ZNF587: variants seen among roughly 807,000 people sequenced by gnomAD.
The protein encoded by ZNF587 is zinc finger protein zfp6.
In ZNF587, 8 loss-of-function variants were observed where a neutral mutation model predicts 7.5. The ratio of observed to expected loss-of-function variants is 1.06; its 90% CI spans 0.62 to 1.92. ZNF587 has a LOEUF of 1.92. Ranked by LOEUF, ZNF587 falls within the 40% of genes most tolerant of loss-of-function variation. The probability of loss-of-function intolerance (pLI) is 0.00; values close to 1 mark genes in which losing one functional copy is unlikely to be tolerated. For missense variants in ZNF587, 468 were observed against 692.8 expected, an observed-to-expected ratio of 0.68 and a Z score of 3.64; for synonymous variants, 145 against 237.8, an observed-to-expected ratio of 0.61 and a Z score of 3.59.
chr19:57,853,792 G>A (rs2071315017), intron 1 of ZNF587: 1 of 138,724 alleles, frequency 7.2e-6, no homozygotes, highest in African/African-American at 2.8e-5. Context: ...TTTCGCTCTT[G>A]TTGCCCAAGC....
At position 57,859,357 on chromosome 19, in the gene ZNF587, G is replaced by A; in HGVS notation, c.945G>A (p.Gln315=). Residue 315 remains glutamine, a synonymous_variant, in exon 3 of 3, where the codon CAG becomes CAA. Transcript: ENST00000339656. ...AGAAGGGCAGCCTTATTAGCCATCA[G>A]CTTGTTCACACTGGAGAAGGGCCTT... ...FSQKGSLISH[Q]LVHTGEGPYE... 8.1e-6 allele frequency: 13 copies of A among 1,610,454 alleles called. No homozygotes were observed. The highest frequency in any genetic ancestry group is 1.1e-5 in the Non-Finnish European group (13 of 1,179,574).
At position 57,860,654 on chromosome 19, in the gene ZNF587, A is replaced by C. The variant is rs1196731553; in HGVS notation, c.*514A>C. On this transcript the variant is annotated 3_prime_UTR_variant, in exon 3 of 3. Transcript: ENST00000339656. Reference sequence around the variant, plus strand: ...GTAAACCTGATGCTTTGGGAGGACAAGGTGGTTCATTGGAGGCCAGGAGTT... The same window carrying C: ...GTAAACCTGATGCTTTGGGAGGACACGGTGGTTCATTGGAGGCCAGGAGTT... The C allele has an allele frequency of 6.1e-6, 1 of 162,632 alleles. No homozygotes were observed. Among genetic ancestry groups the C allele is most frequent in the Non-Finnish European group, 1.4e-5 (1 of 73,908 alleles). 10.1% of individuals were successfully genotyped at this position (162,632 alleles called of 1,614,324 possible).
At position 57,859,823 on chromosome 19, in the gene ZNF587, A is replaced by G. The variant is rs1409508650; in HGVS notation, c.1411A>G (p.Lys471Glu). The G allele has an allele frequency of 1.9e-6, 3 of 1,614,102 alleles. No individual in the cohort carries two copies. Among genetic ancestry groups the G allele is most frequent in the Admixed American group, 3.3e-5 (2 of 60,002 alleles). The change falls in exon 3 of 3, where the codon AAA becomes GAA. Residue 471 changes from lysine to glutamate, a missense_variant. Around this residue, in one of 5 missense-constraint regions of ZNF587, gnomAD observed 310 missense variants for 325.6 expected, o/e 0.95. Transcript: ENST00000339656. ...ERPYACEVCGKLFGNKHSVTI... is the reference protein window; with the variant it reads ...ERPYACEVCGELFGNKHSVTI... The stretch of plus-strand genomic sequence containing the variant: ...GCCATATGCGTGTGAGGTATGTGGG[A>G]AATTATTTGGCAATAAGCACAGCGT...
At position 57,861,789 on chromosome 19, in the gene ZNF587, T is replaced by TTTTTTTTTTTTTTC. The variant is rs1555775628; in HGVS notation, c.*1649_*1650insTTTTTTTTTTTTTC. Reference sequence around the variant, plus strand: ...TTTGGTTTTCTTTTTTTTTTTTTTTTCCAGATGGAGTCTAGCTCTGTCTCC... The same window carrying TTTTTTTTTTTTTTC: ...TTTGGTTTTCTTTTTTTTTTTTTTTTTTTTTTTTTTTTTCCCAGATGGAGTCTAGCTCTGTCTCC... On this transcript the variant is annotated 3_prime_UTR_variant, in exon 3 of 3. Transcript: ENST00000339656. 580 of 147,890 alleles carry TTTTTTTTTTTTTTC rather than the reference T, an allele frequency of 3.9e-3. 24 individuals carry two copies. The highest frequency in any genetic ancestry group is 0.014 in the African/African-American group (542 of 38,192). 9.2% of individuals were successfully genotyped at this position (147,890 alleles called of 1,614,324 possible). A position where few individuals can be genotyped will look rare whatever the true frequency, so the allele number is the denominator to read the frequency against.
rs2071418944 is a variant in ZNF587, at chr19:57,860,337, TG to T, written c.*199del. ...AGGCTGGAGTGCAGTGGTGCAGTCT[TG>T]GCTCGCTGCAACTTGGGCCTCCTGG... On this transcript the variant is annotated 3_prime_UTR_variant, in exon 3 of 3. Transcript: ENST00000339656. 3 of 1,051,710 alleles carry T rather than the reference TG, an allele frequency of 2.9e-6. No homozygotes were observed. The highest frequency in any genetic ancestry group is 4.1e-6 in the Non-Finnish European group (3 of 734,504). The allele number at this position is 1,051,710 out of a possible 1,614,324, so 65.1% of individuals were successfully genotyped here. A position where few individuals can be genotyped will look rare whatever the true frequency, so the allele number is the denominator to read the frequency against.
chr19:57,860,215 G>T lies in ZNF587; in HGVS notation c.*75G>T, dbSNP rs1349365774. 6.2e-7 allele frequency: 1 copy of T among 1,609,514 alleles called. No individual in the cohort carries two copies. The highest frequency in any genetic ancestry group is 2.2e-5 in the East Asian group (1 of 44,814). ...CACAGGAGAGTTCATACTGGAGAAA[G>T]GCCTTATGAGTGCTGTCAATGTGGA... On this transcript the variant is annotated 3_prime_UTR_variant, in exon 3 of 3. Transcript: ENST00000339656.
chr19:57,851,711 T>C (rs567604988), intron 1 of ZNF587: 44 of 152,274 alleles, frequency 2.9e-4, no homozygotes, highest in African/African-American at 9.9e-4. Context: ...ATCATGAGGA[T>C]TCTAGAAGCC....
intron 2 of ZNF587, 31 bp from the exon 3 acceptor site, chr19:57,858,545 T>C: frequency 1.3e-6 from 2 of 1,598,100 alleles, no homozygotes; most frequent in East Asian, 2.2e-5. Flanking sequence ...CGGAGGTACT[T>C]TGCACTTGAC....
chr19:57,856,594 G>T (rs1600122423), intron 2 of ZNF587, among the ~76,000 whole-genome samples: 1 of 151,810 alleles, frequency 6.6e-6, no homozygotes, highest in Non-Finnish European at 1.5e-5. Context: ...TTTTTTAGTA[G>T]AGACGAGGTT....
chr19:57,857,644 A>G (rs1228478093), intron 2 of ZNF587, among the ~76,000 whole-genome samples: 1 of 151,648 alleles, frequency 6.6e-6, no homozygotes, highest in African/African-American at 2.4e-5. Context: ...GTGTATATGT[A>G]TATTTTTGAG....
intron 1 of ZNF587, among the ~76,000 whole-genome samples, chr19:57,855,624 T>C (rs2071344690): frequency 6.7e-6 from 1 of 149,722 alleles, no homozygotes; most frequent in Non-Finnish European, 1.5e-5. Flanking sequence ...TGCAGTGGTG[T>C]GATCTCGGCT....
intron 1 of ZNF587, among the ~76,000 whole-genome samples, chr19:57,855,096 A>G (rs2071334803): frequency 6.6e-6 from 1 of 152,012 alleles, no homozygotes; most frequent in African/African-American, 2.4e-5. Flanking sequence ...AGGCAGGAGA[A>G]TGGCCTGAAC....
chr19:57,858,048 G>C (rs2071386001), intron 2 of ZNF587: 1 of 158,542 alleles, frequency 6.3e-6, no homozygotes, highest in African/African-American at 2.4e-5. Context: ...TTGCATATAT[G>C]CTTGTGCTCT....
At position 57,861,074 on chromosome 19, in the gene ZNF587, C is replaced by G. The variant is rs1427922710; in HGVS notation, c.*934C>G. On this transcript the variant is annotated 3_prime_UTR_variant, in exon 3 of 3. Transcript: ENST00000339656. ...ATGGGGTTTCACCATGCTGGCCAGG[C>G]TTGTTATGAACTGACCTCAAGTGAT... The G allele has an allele frequency of 1.3e-5, 2 of 152,036 alleles. No homozygotes were observed. The highest frequency in any genetic ancestry group is 2.4e-5 in the African/African-American group (1 of 41,392). 9.4% of individuals were successfully genotyped at this position (152,036 alleles called of 1,614,324 possible).
intron 1 of ZNF587, among the ~76,000 whole-genome samples, chr19:57,852,757 A>T (rs886065231): frequency 7.0e-6 from 1 of 142,480 alleles, no homozygotes; most frequent in Admixed American, 7.2e-5. Context: ...CGAACTCCTG[A>T]CCTCAAGTGA....
intron 1 of ZNF587, among the ~76,000 whole-genome samples, chr19:57,853,602 C>T (rs899705958): frequency 6.6e-6 from 1 of 151,884 alleles, no homozygotes; most frequent in Non-Finnish European, 1.5e-5. Flanking sequence ...GTGTGAGTGA[C>T]CATCATAACA....
At chr19:57,855,330 G>C (rs1019604680) in intron 1 of ZNF587, among the ~76,000 whole-genome samples, 1 of 152,142 alleles carries the variant, frequency 6.6e-6, no homozygotes, top group South Asian at 2.1e-4. Context: ...GGGTGGCAGA[G>C]CTAGACTATG....
intron 2 of ZNF587, 94 bp from the exon 3 acceptor site, chr19:57,858,482 G>T: frequency 6.6e-7 from 1 of 1,519,948 alleles, no homozygotes; most frequent in African/African-American, 1.4e-5. Flanking sequence ...TATTTCTATA[G>T]ATTAATTCCT....
intron 1 of ZNF587, among the ~76,000 whole-genome samples, chr19:57,852,797 G>A (rs2071297192): frequency 6.8e-6 from 1 of 146,678 alleles, no homozygotes; most frequent in Non-Finnish European, 1.5e-5. Flanking sequence ...CAAAGTGCTG[G>A]GATTATAGGC....
Sources: allele counts gnomAD v4.1 joint callset (sites outside exome capture counted in the v4.1 genomes callset), GRCh38; gene constraint gnomAD v4.1.1; regional missense constraint gnomAD v4.1.1; transcripts MANE v1.5; gene names NCBI Gene and HGNC (gene_info 2026-07-23, HGNC 2026-07-21).